Variants in NEK7 observed in about 807,000 individuals in gnomAD.
The protein encoded by NEK7 is NIMA related kinase 7.
In NEK7, 18 loss-of-function variants were observed where a neutral mutation model predicts 44.6. The observed-to-expected ratio is 0.40, with a 90% CI of 0.28 to 0.60. The LOEUF (loss-of-function observed/expected upper bound fraction) is 0.60, where lower values mean the gene tolerates loss of function less well. Among genes scored for constraint, NEK7 ranks in the 20% least tolerant of loss-of-function variants. The probability of loss-of-function intolerance (pLI) is 0.38; values close to 1 mark genes in which losing one functional copy is unlikely to be tolerated. For synonymous variants in NEK7, 130 were observed against 121.1 expected, an observed-to-expected ratio of 1.07 and a Z score of -0.48; for missense variants, 256 against 366.5, an observed-to-expected ratio of 0.70 and a Z score of 2.46.
intron 9 of NEK7, among the ~76,000 whole-genome samples, chr1:198,309,536 C>T (rs573969350): frequency 9.9e-5 from 15 of 151,956 alleles, no homozygotes; most frequent in South Asian, 2.1e-4. Context: ...CATGCTGCTG[C>T]GCTGCACCAG....
intron 1 of NEK7, among the ~76,000 whole-genome samples, chr1:198,188,523 T>C (rs1022333081): frequency 2.0e-5 from 3 of 151,980 alleles, no homozygotes; most frequent in East Asian, 1.9e-4. Flanking sequence ...CCTGACACCA[T>C]TGGCAGGGAG....
chr1:198,228,747 A>G (rs1169934642), intron 1 of NEK7, among the ~76,000 whole-genome samples: 1 of 152,188 alleles, frequency 6.6e-6, no homozygotes, highest in Non-Finnish European at 1.5e-5. Flanking sequence ...GAAGTTGCCT[A>G]TCAGCTTAAG....
At chr1:198,287,088 T>A (rs893035318) in intron 7 of NEK7, among the ~76,000 whole-genome samples, 2 of 152,158 alleles carry the variant, frequency 1.3e-5, no homozygotes, top group African/African-American at 4.8e-5. Context: ...GTAACGCCAT[T>A]TTAATAGACT....
intron 1 of NEK7, among the ~76,000 whole-genome samples, chr1:198,205,682 C>G (rs953072185): frequency 2.0e-5 from 3 of 149,156 alleles, no homozygotes; most frequent in African/African-American, 7.4e-5. Context: ...TTTTTGCTTT[C>G]TCATACACAT....
chr1:198,160,810 CAG>C (rs1350212308), intron 1 of NEK7, among the ~76,000 whole-genome samples: 1 of 152,126 alleles, frequency 6.6e-6, no homozygotes, highest in Non-Finnish European at 1.5e-5. Context: ...AATTCAATCT[CAG>C]AGTTATAAAA....
chr1:198,312,734 T>C (rs1023499570), intron 9 of NEK7, among the ~76,000 whole-genome samples: 29 of 151,438 alleles, frequency 1.9e-4, no homozygotes, highest in Admixed American at 1.1e-3. Flanking sequence ...TCAGTTTCCA[T>C]GTAGTTGAGC....
At chr1:198,197,901 C>G in intron 1 of NEK7, 1 of 1,248,794 alleles carries the variant, frequency 8.0e-7, no homozygotes. Flanking sequence ...ACTCCTAGTC[C>G]GAACATGCCA....
chr1:198,303,754 G>A (rs566330686), intron 9 of NEK7, among the ~76,000 whole-genome samples: 1 of 152,042 alleles, frequency 6.6e-6, no homozygotes, highest in East Asian at 1.9e-4. Context: ...ATTTTATATG[G>A]CACAAATAAT....
intron 5 of NEK7, among the ~76,000 whole-genome samples, chr1:198,265,258 A>C (rs1283357719): frequency 6.6e-6 from 1 of 152,158 alleles, no homozygotes; most frequent in Non-Finnish European, 1.5e-5. Flanking sequence ...CTGGAAAAGA[A>C]AGTCTTCATT....
intron 5 of NEK7, among the ~76,000 whole-genome samples, chr1:198,277,283 G>C (rs1467601298): frequency 6.6e-6 from 1 of 151,664 alleles, no homozygotes; most frequent in African/African-American, 2.4e-5. Flanking sequence ...AGTACCTCTG[G>C]TTTTACAATT....
intron 1 of NEK7, among the ~76,000 whole-genome samples, chr1:198,179,819 ATG>A (rs879315515): frequency 1.4e-3 from 167 of 120,936 alleles, no homozygotes; most frequent in Non-Finnish European, 1.7e-3. Context: ...GTGTGTATGT[ATG>A]TGTGTGTGTG....
At chr1:198,191,962 C>A (rs541851425) in intron 1 of NEK7, among the ~76,000 whole-genome samples, 2 of 152,180 alleles carry the variant, frequency 1.3e-5, no homozygotes, top group South Asian at 4.1e-4. Flanking sequence ...CCAATGTTCT[C>A]CCTGTCTTTT....
intron 2 of NEK7, among the ~76,000 whole-genome samples, chr1:198,252,569 A>ATATATATAT (rs1558079353): frequency 8.5e-4 from 18 of 21,054 alleles, no homozygotes; most frequent in Admixed American, 1.7e-3. Flanking sequence ...TATATATATA[A>ATATATATAT]AAAGTACATA....
chr1:198,182,082 A>G (rs1664784382), intron 1 of NEK7, among the ~76,000 whole-genome samples: 1 of 152,146 alleles, frequency 6.6e-6, no homozygotes. Flanking sequence ...AAAGAGTGAA[A>G]TAATAAAAAA....
At chr1:198,285,372 CA>C (rs1460031091) in intron 7 of NEK7, among the ~76,000 whole-genome samples, 3 of 152,100 alleles carry the variant, frequency 2.0e-5, no homozygotes, top group Non-Finnish European at 4.4e-5. Context: ...GATTATGCTG[CA>C]AGAAGAAACA....
chr1:198,227,474 C>T (rs994949260), intron 1 of NEK7, among the ~76,000 whole-genome samples: 84 of 152,284 alleles, frequency 5.5e-4, no homozygotes, highest in Non-Finnish European at 4.3e-4. Context: ...AACTAGTTTA[C>T]AGTCCCACCA....
At chr1:198,188,028 G>A (rs759515761) in intron 1 of NEK7, among the ~76,000 whole-genome samples, 58 of 152,128 alleles carry the variant, frequency 3.8e-4, no homozygotes, top group Non-Finnish European at 6.0e-4. Context: ...CTGCTTCAGG[G>A]CTCCCATAGC....
chr1:198,317,637 T>C (rs954720666), intron 9 of NEK7, among the ~76,000 whole-genome samples: 4 of 152,108 alleles, frequency 2.6e-5, no homozygotes, highest in Non-Finnish European at 5.9e-5. Context: ...GTGGCAGTGT[T>C]AGGAAGTCAA....
At chr1:198,168,436 C>A (rs1052544188) in intron 1 of NEK7, among the ~76,000 whole-genome samples, 5 of 152,164 alleles carry the variant, frequency 3.3e-5, no homozygotes, top group African/African-American at 1.2e-4. Flanking sequence ...ATCCCCAGAA[C>A]GTCAGCATTT....
Sources: allele counts gnomAD v4.1 joint callset (sites outside exome capture counted in the v4.1 genomes callset), GRCh38; gene constraint gnomAD v4.1.1; transcripts MANE v1.5; gene names NCBI Gene and HGNC (gene_info 2026-07-23, HGNC 2026-07-21).